Variants in SDK1 observed in about 807,000 individuals in gnomAD.
The protein encoded by SDK1 is protein sidekick-1.
SDK1 carries 157 observed loss-of-function variants against 245.5 expected under a neutral mutation model. The ratio of observed to expected loss-of-function variants is 0.64; its 90% CI spans 0.56 to 0.73. SDK1 has a LOEUF of 0.73. Among genes scored for constraint, SDK1 ranks in the 30% least tolerant of loss-of-function variants. The pLI, the probability that SDK1 is intolerant of heterozygous loss-of-function variation, is 0.00. For missense variants in SDK1, 3,583 were observed against 3,002.3 expected (o/e 1.19, Z -4.52); for synonymous variants, 1,647 against 1,278.5 (o/e 1.29, Z -6.15).
chr7:3,484,669 GC>G (rs1210579125), intron 1 of SDK1, among the ~76,000 whole-genome samples: 6 of 151,998 alleles, frequency 3.9e-5, no homozygotes, highest in Non-Finnish European at 5.9e-5. Context: ...CCTCTCCCCT[GC>G]CCTTCCTAGC....
At chr7:3,520,316 G>C (rs1782894356) in intron 1 of SDK1, among the ~76,000 whole-genome samples, 1 of 152,124 alleles carries the variant, frequency 6.6e-6, no homozygotes, top group Non-Finnish European at 1.5e-5. Context: ...CTATATTTAG[G>C]TTGTCAACCT....
At chr7:3,954,671 C>T (rs543111519) in intron 7 of SDK1, among the ~76,000 whole-genome samples, 39 of 146,198 alleles carry the variant, frequency 2.7e-4, no homozygotes, top group Non-Finnish European at 3.6e-4. Context: ...CACCTCCCTT[C>T]TACACCCTCT....
intron 4 of SDK1, among the ~76,000 whole-genome samples, chr7:3,671,305 A>G (rs777993035): frequency 6.6e-6 from 1 of 152,216 alleles, no homozygotes; most frequent in Non-Finnish European, 1.5e-5. Context: ...CTAGAATTCC[A>G]TCGGCCTCTA....
At chr7:4,015,303 G>A (rs949712329) in intron 16 of SDK1, among the ~76,000 whole-genome samples, 4 of 152,168 alleles carry the variant, frequency 2.6e-5, no homozygotes, top group African/African-American at 9.7e-5. Context: ...GCATTGTGTA[G>A]CGTTGGGTCC....
chr7:3,576,953 T>C (rs1780312127), intron 1 of SDK1, among the ~76,000 whole-genome samples: 1 of 152,064 alleles, frequency 6.6e-6, no homozygotes, highest in South Asian at 2.1e-4. Flanking sequence ...TAGTAGACTT[T>C]TGATGTGTAT....
intron 1 of SDK1, among the ~76,000 whole-genome samples, chr7:3,363,301 T>G (rs1433046806): frequency 6.6e-6 from 1 of 152,184 alleles, no homozygotes; most frequent in Non-Finnish European, 1.5e-5. Flanking sequence ...TTTCAGTAAT[T>G]CATTTCTTTT....
At chr7:3,426,388 A>G (rs1346129884) in intron 1 of SDK1, among the ~76,000 whole-genome samples, 1 of 152,202 alleles carries the variant, frequency 6.6e-6, no homozygotes, top group Non-Finnish European at 1.5e-5. Flanking sequence ...GGAGTTGGAC[A>G]GGCTGGCCTT....
At chr7:4,197,958 C>G (rs993136405) in intron 35 of SDK1, among the ~76,000 whole-genome samples, 4 of 152,226 alleles carry the variant, frequency 2.6e-5, no homozygotes, top group African/African-American at 9.6e-5. Context: ...CAGATGGTTT[C>G]GGAGGGTCCT....
chr7:3,456,727 C>T (rs1780680378), intron 1 of SDK1, among the ~76,000 whole-genome samples: 1 of 152,114 alleles, frequency 6.6e-6, no homozygotes, highest in Non-Finnish European at 1.5e-5. Context: ...AGCTTTTTCT[C>T]ACTCAAGTTG....
chr7:3,474,489 C>G (rs1781288520), intron 1 of SDK1, among the ~76,000 whole-genome samples: 1 of 152,034 alleles, frequency 6.6e-6, no homozygotes, highest in African/African-American at 2.4e-5. Context: ...GTCCCTTGGC[C>G]TACCCTTGAC....
chr7:3,345,554 A>T (rs563457087), intron 1 of SDK1, among the ~76,000 whole-genome samples: 42 of 152,308 alleles, frequency 2.8e-4, no homozygotes, highest in Admixed American at 7.8e-4. Context: ...CCATTCAATA[A>T]CATGAGTTAT....
chr7:3,634,555 G>T (rs1018755712), intron 2 of SDK1, among the ~76,000 whole-genome samples: 4 of 152,136 alleles, frequency 2.6e-5, no homozygotes, highest in Non-Finnish European at 5.9e-5. Context: ...ATAGGAACAG[G>T]CATTTTCTAT....
intron 1 of SDK1, among the ~76,000 whole-genome samples, chr7:3,306,406 A>C (rs940915927): frequency 6.6e-6 from 1 of 152,132 alleles, no homozygotes; most frequent in Non-Finnish European, 1.5e-5. Flanking sequence ...AGAATGGACT[A>C]CTGGGAGTGC....
intron 1 of SDK1, among the ~76,000 whole-genome samples, chr7:3,402,233 T>G (rs1778908149): frequency 1.3e-5 from 2 of 152,182 alleles, no homozygotes; most frequent in Admixed American, 1.3e-4. Context: ...TAATTGAGAT[T>G]CTTAGGAAAG....
Position 4,156,268 on chromosome 7 carries a change from A to G in SDK1, c.4626-2180A>G, listed in dbSNP as rs375803075. 5.1e-4 allele frequency among the ~76,000 whole-genome samples: 77 copies of G among 152,264 alleles called. 1 individual carries two copies. Among genetic ancestry groups the G allele is most frequent in the African/African-American group, 1.6e-3 (65 of 41,552 alleles). ...GGAGGCAGGGAGGTCGTGGGAGAAG[A>G]CACATGGTTATCACCCAGATGAGGC... On this transcript the variant is annotated intron_variant, in intron 30 of 44. Coordinates refer to ENST00000404826, the MANE Select transcript of SDK1 (RefSeq NM_152744.4).
At chr7:4,114,537 A>G (rs887535151) in intron 25 of SDK1, among the ~76,000 whole-genome samples, 4 of 152,198 alleles carry the variant, frequency 2.6e-5, no homozygotes, top group Non-Finnish European at 5.9e-5. Context: ...ATTAGGGATA[A>G]TTTTCGCTAA....
intron 5 of SDK1, among the ~76,000 whole-genome samples, chr7:3,923,096 T>C (rs999720536): frequency 2.0e-5 from 3 of 152,238 alleles, no homozygotes; most frequent in African/African-American, 7.2e-5. Flanking sequence ...AAGTAGTCTT[T>C]TCTGATCTCA....
chr7:3,876,155 C>T (rs1173154768), intron 5 of SDK1, among the ~76,000 whole-genome samples: 1 of 152,204 alleles, frequency 6.6e-6, no homozygotes, highest in Non-Finnish European at 1.5e-5. Flanking sequence ...CACATCCAGA[C>T]TCTCCCAGTG....
intron 5 of SDK1, among the ~76,000 whole-genome samples, chr7:3,852,563 C>T (rs796091700): frequency 1.5e-4 from 23 of 151,184 alleles, no homozygotes; most frequent in African/African-American, 2.4e-4. Flanking sequence ...CTGGCTAACA[C>T]GGTGAAACCC....
Sources: allele counts gnomAD v4.1 joint callset (sites outside exome capture counted in the v4.1 genomes callset), GRCh38; gene constraint gnomAD v4.1.1; transcripts MANE v1.5; gene names NCBI Gene and HGNC (gene_info 2026-07-23, HGNC 2026-07-21).